MGAM2: variants seen among roughly 807,000 people sequenced by gnomAD.
MGAM2 encodes the protein probable maltase-glucoamylase 2.
In MGAM2, 98 loss-of-function variants were observed where a neutral mutation model predicts 96.1. The ratio of observed to expected loss-of-function variants is 1.02; its 90% CI spans 0.87 to 1.21. The LOEUF is 1.21. Among genes scored for constraint, MGAM2 ranks in the 50% most tolerant of loss-of-function variants. The pLI, the probability that MGAM2 is intolerant of heterozygous loss-of-function variation, is 0.00. For synonymous variants in MGAM2, 749 were observed against 414.8 expected (o/e 1.81, Z -9.79); for missense variants, 2,055 against 1,182.4 (o/e 1.74, Z -10.82).
chr7:142,155,006 G>A (rs1795697141), intron 17 of MGAM2, among the ~76,000 whole-genome samples, 161 bp downstream of exon 17: 1 of 152,188 alleles, frequency 6.6e-6, no homozygotes, highest in African/African-American at 2.4e-5. Flanking sequence ...ATCAATCAAG[G>A]TGAGGGTGCA....
At chr7:142,124,807 T>C (rs1441697838) in intron 3 of MGAM2, among the ~76,000 whole-genome samples, 1 of 152,156 alleles carries the variant, frequency 6.6e-6, no homozygotes, top group Non-Finnish European at 1.5e-5. Context: ...TCCTATTTGA[T>C]TCTATTCAAA....
intron 23 of MGAM2, among the ~76,000 whole-genome samples, chr7:142,162,701 A>G (rs1795924066): frequency 6.6e-6 from 1 of 151,272 alleles, no homozygotes; most frequent in Admixed American, 6.6e-5. Flanking sequence ...ATAAGGTATA[A>G]AAAATATATA....
At chr7:142,194,713 T>C (rs1796977043) in intron 37 of MGAM2, among the ~76,000 whole-genome samples, 1 of 152,104 alleles carries the variant, frequency 6.6e-6, no homozygotes, top group Admixed American at 6.6e-5. Flanking sequence ...TGTGTGTGTG[T>C]GTGTGTGTGT....
At chr7:142,115,387 G>T (rs1184966655) in intron 1 of MGAM2, among the ~76,000 whole-genome samples, 1 of 152,210 alleles carries the variant, frequency 6.6e-6, no homozygotes, top group Non-Finnish European at 1.5e-5. Context: ...TCATCCTGCA[G>T]ATTCTGTTAG....
chr7:142,216,929 CTGTT>C (rs1797780217), intron 46 of MGAM2, among the ~76,000 whole-genome samples: 1 of 152,188 alleles, frequency 6.6e-6, no homozygotes, highest in African/African-American at 2.4e-5. Context: ...CCTCACGTCT[CTGTT>C]TGCTCAGCAC....
At chr7:142,154,293 G>A (rs984419882) in intron 16 of MGAM2, 104 bp downstream of exon 16, 1 of 507,434 alleles carries the variant, frequency 2.0e-6, no homozygotes, top group South Asian at 3.8e-5. Flanking sequence ...CATGTTCCAA[G>A]GTGATATGTA....
chr7:142,157,250 A>C (rs1460423047), intron 17 of MGAM2, among the ~76,000 whole-genome samples: 1 of 152,198 alleles, frequency 6.6e-6, no homozygotes, highest in East Asian at 1.9e-4. Flanking sequence ...TATTTCCCAA[A>C]TAAAATATGA....
intron 19 of MGAM2, 113 bp from the exon 20 acceptor site, chr7:142,159,174 T>TC (rs748834087): frequency 1.6e-6 from 1 of 639,034 alleles, no homozygotes; most frequent in Non-Finnish European, 2.8e-6. Flanking sequence ...AATGGGATGA[T>TC]CTCAACCATC....
intron 15 of MGAM2, among the ~76,000 whole-genome samples, chr7:142,149,748 A>G (rs868398833): frequency 6.6e-6 from 1 of 151,086 alleles, no homozygotes; most frequent in South Asian, 2.1e-4. Context: ...TCACAGCGTT[A>G]GCCAGGATGG....
chr7:142,160,207 G>A lies in MGAM2; in HGVS notation c.2294G>A (p.Arg765Gln), dbSNP rs909961815. The A allele has an allele frequency of 8.5e-6, 6 of 702,508 alleles. No individual in the cohort carries two copies. Among genetic ancestry groups the A allele is most frequent in the African/African-American group, 1.7e-5 (1 of 57,220 alleles). The allele number at this position is 702,508 out of a possible 1,614,324, so 43.5% of individuals were successfully genotyped here. A position where few individuals can be genotyped will look rare whatever the true frequency, so the allele number is the denominator to read the frequency against. ...LPGDKIGLHL[R>Q]GGYIFPTQKP... ...GGTGACAAGATAGGACTTCATCTGC[G>A]AGGGGGCTACATATTTCCCACTCAG... The change falls in exon 21 of 48, where the codon CGA becomes CAA. Residue 765 changes from arginine to glutamine, a missense_variant. Arg to Gln is a conservative substitution (Grantham distance 43). Coordinates refer to ENST00000477922, the MANE Select transcript of MGAM2 (RefSeq NM_001293626.2).
At chr7:142,208,193 C>T (rs1360489437) in intron 45 of MGAM2, 2 of 464,162 alleles carry the variant, frequency 4.3e-6, no homozygotes, top group Non-Finnish European at 8.6e-6. Flanking sequence ...AAATTCCTAA[C>T]CACTCGCCTC....
At chr7:142,183,131 T>C in intron 32 of MGAM2, 135 bp from the exon 33 acceptor site, 1 of 472,096 alleles carries the variant, frequency 2.1e-6, no homozygotes, top group Non-Finnish European at 3.8e-6. Flanking sequence ...ATCAATGATT[T>C]TTATTTTATT....
chr7:142,147,366 G>C, intron 14 of MGAM2, 90 bp from the exon 15 acceptor site: 1 of 630,172 alleles, frequency 1.6e-6, no homozygotes, highest in Non-Finnish European at 2.9e-6. Flanking sequence ...GGTGGGGAAG[G>C]TACAGTAATC....
At chr7:142,173,705 A>G (rs143550159) in intron 31 of MGAM2, among the ~76,000 whole-genome samples, 1 of 152,220 alleles carries the variant, frequency 6.6e-6, no homozygotes, top group Admixed American at 6.5e-5. Context: ...GGCTAAAAAG[A>G]AGCAAGTTCT....
At position 142,189,633 on chromosome 7, in the gene MGAM2, G is replaced by A. The variant is rs956203926; in HGVS notation, c.4346+128G>A. The stretch of plus-strand genomic sequence containing the variant: ...GGGTTAAAGTCAAAATTTCAGGCAC[G>A]GTTGCCCAAGCAACCACCTCTGAGC... On this transcript the variant is annotated intron_variant, in intron 37 of 47. Transcript: ENST00000477922. 7.3e-5 allele frequency: 35 copies of A among 480,394 alleles called. No individual in the cohort carries two copies. In the East Asian group the frequency reaches 7.8e-4, roughly 11 times the overall value. The allele number at this position is 480,394 out of a possible 1,614,324, so 29.8% of individuals were successfully genotyped here. A position where few individuals can be genotyped will look rare whatever the true frequency, so the allele number is the denominator to read the frequency against.
chr7:142,196,510 C>CA, intron 38 of MGAM2, 55 bp from the exon 39 acceptor site: 1 of 705,552 alleles, frequency 1.4e-6, no homozygotes, highest in South Asian at 1.5e-5. Context: ...GCCAAGCCTT[C>CA]ACTCTCCTCC....
In MGAM2 at chr7:142,141,137, T is replaced by A. The variant is rs1398816724; in HGVS notation, c.1317+18T>A. On this transcript the variant is annotated intron_variant, in intron 12 of 47. Transcript: ENST00000477922. ...TTGGGGAGGTAATTTCTTAAGAAAA[T>A]CAAAGTAAATTATGATTGTTTTGGG... is the stretch of plus-strand genomic sequence containing the variant. 1 of 692,756 alleles carries A rather than the reference T, an allele frequency of 1.4e-6. No individual in the cohort carries two copies. The highest frequency in any genetic ancestry group is 1.6e-5 in the South Asian group (1 of 64,408). 42.9% of individuals were successfully genotyped at this position (692,756 alleles called of 1,614,324 possible).
chr7:142,128,510 C>G (rs1197739588), intron 3 of MGAM2, among the ~76,000 whole-genome samples: 4 of 152,178 alleles, frequency 2.6e-5, no homozygotes, highest in Non-Finnish European at 4.4e-5. Flanking sequence ...GGCCAGGAAG[C>G]CTCGGACAGA....
chr7:142,168,521 T>G (rs1454978561), intron 26 of MGAM2, among the ~76,000 whole-genome samples: 1 of 151,996 alleles, frequency 6.6e-6, no homozygotes, highest in Non-Finnish European at 1.5e-5. Context: ...CCACCCACCT[T>G]GGCCTCCCAA....
Sources: allele counts gnomAD v4.1 joint callset (sites outside exome capture counted in the v4.1 genomes callset), GRCh38; gene constraint gnomAD v4.1.1; transcripts MANE v1.5; gene names NCBI Gene and HGNC (gene_info 2026-07-23, HGNC 2026-07-21).